The following GMPR variants were observed in gnomAD, a reference collection of about 807,000 sequenced individuals.
The protein encoded by GMPR is guanosine monophosphate reductase, also known as GMP reductase 1.
In GMPR, 31 loss-of-function variants were observed where a neutral mutation model predicts 38.4. That is an observed-to-expected ratio of 0.81 (90% CI 0.61 to 1.09). GMPR has a LOEUF of 1.09. Ranked by LOEUF, GMPR falls within the 50% of genes least tolerant of loss-of-function variation. The pLI, the probability that GMPR is intolerant of heterozygous loss-of-function variation, is 0.00. For missense variants in GMPR, 468 were observed against 453.7 expected (o/e 1.03, Z -0.29); for synonymous variants, 162 against 173.3 (o/e 0.93, Z 0.51).
chr6:16,242,024 C>A (rs1453333131), intron 1 of GMPR, among the ~76,000 whole-genome samples: 1 of 152,136 alleles, frequency 6.6e-6, no homozygotes, highest in African/African-American at 2.4e-5. Context: ...CAGGTGTGAG[C>A]CACTGCACCC....
At chr6:16,274,178 T>C (rs1759434726) in intron 4 of GMPR, among the ~76,000 whole-genome samples, 1 of 152,180 alleles carries the variant, frequency 6.6e-6, no homozygotes, top group Non-Finnish European at 1.5e-5. Flanking sequence ...ACCTGGACTC[T>C]CTAAGATCTC....
chr6:16,295,196 C>T lies in GMPR; in HGVS notation c.*10C>T. ...CACCGTGTTCAGCTAACCCTGGGGACAAAGCAGCGTCTGGCTCGAGTGGAA... is the reference window on the plus strand; with the variant it reads ...CACCGTGTTCAGCTAACCCTGGGGATAAAGCAGCGTCTGGCTCGAGTGGAA... On this transcript the variant is annotated 3_prime_UTR_variant, in exon 9 of 9. Transcript: ENST00000259727. 6.7e-7 allele frequency: 1 copy of T among 1,494,570 alleles called. No individual in the cohort carries two copies. The highest frequency in any genetic ancestry group is 8.9e-7 in the Non-Finnish European group (1 of 1,127,154). The allele number at this position is 1,494,570 out of a possible 1,614,324, so 92.6% of individuals were successfully genotyped here.
At chr6:16,291,013 T>C (rs1214904588) in intron 8 of GMPR, among the ~76,000 whole-genome samples, 2 of 152,180 alleles carry the variant, frequency 1.3e-5, no homozygotes, top group African/African-American at 4.8e-5. Context: ...AGTTGAAGAA[T>C]GGCTCTCCTC....
At chr6:16,259,554 A>G (rs1019018559) in intron 4 of GMPR, among the ~76,000 whole-genome samples, 1 of 151,874 alleles carries the variant, frequency 6.6e-6, no homozygotes, top group Non-Finnish European at 1.5e-5. Flanking sequence ...TTCGAGTGGG[A>G]TTAGGGGCGG....
intron 4 of GMPR, among the ~76,000 whole-genome samples, chr6:16,272,399 T>A (rs1292267815): frequency 6.6e-6 from 1 of 152,196 alleles, no homozygotes; most frequent in East Asian, 1.9e-4. Context: ...AGAAGAATTA[T>A]TGAATACAAG....
chr6:16,285,649 C>A (rs1759664743), intron 6 of GMPR, 144 bp from the exon 7 acceptor site: 2 of 687,170 alleles, frequency 2.9e-6, no homozygotes, highest in African/African-American at 3.5e-5. Flanking sequence ...ACAACAACAG[C>A]CGTGGTAGGG....
intron 4 of GMPR, among the ~76,000 whole-genome samples, chr6:16,257,321 C>T (rs1223656606): frequency 6.6e-6 from 1 of 152,158 alleles, no homozygotes; most frequent in African/African-American, 2.4e-5. Flanking sequence ...TCAGGCTGTT[C>T]ATCTGTATCC....
rs192061975 is a variant in GMPR, at chr6:16,267,822, G to A, written c.466-6593G>A. Among the ~76,000 whole-genome samples the A allele has an allele frequency of 8.3e-4, 127 of 152,312 alleles. 1 individual carries two copies. In the Middle Eastern group the frequency reaches 0.014, roughly 16 times the overall value. On this transcript the variant is annotated intron_variant, in intron 4 of 8. Transcript: ENST00000259727. Reference sequence around the variant, plus strand: ...TGTGTTCAGATTAGATAGAGGCCAAGCTCTACTCCCCTGGGGCAATGCCGT... The same window carrying A: ...TGTGTTCAGATTAGATAGAGGCCAAACTCTACTCCCCTGGGGCAATGCCGT...
chr6:16,241,885 G>T (rs1758654716), intron 1 of GMPR, among the ~76,000 whole-genome samples: 1 of 151,904 alleles, frequency 6.6e-6, no homozygotes, highest in Non-Finnish European at 1.5e-5. Flanking sequence ...GGGATTACAG[G>T]CACCTACCAC....
intron 5 of GMPR, among the ~76,000 whole-genome samples, chr6:16,275,216 T>C (rs532824300): frequency 3.1e-4 from 47 of 152,204 alleles, no homozygotes; most frequent in South Asian, 2.3e-3. Flanking sequence ...GACACTAAAA[T>C]TGAGGAGCAA....
chr6:16,278,386 G>A (rs561149796), intron 5 of GMPR, among the ~76,000 whole-genome samples: 1 of 152,294 alleles, frequency 6.6e-6, no homozygotes, highest in South Asian at 2.1e-4. Context: ...ACGAGCCAGT[G>A]GGAGGATTCT....
chr6:16,255,485 C>T (rs1758954979), intron 4 of GMPR, among the ~76,000 whole-genome samples: 2 of 152,180 alleles, frequency 1.3e-5, no homozygotes, highest in Admixed American at 6.5e-5. Context: ...GAACATTTCA[C>T]GACAGTCTAC....
At chr6:16,257,276 GGACTCT>G (rs1759000524) in intron 4 of GMPR, among the ~76,000 whole-genome samples, 1 of 152,134 alleles carries the variant, frequency 6.6e-6, no homozygotes, top group Non-Finnish European at 1.5e-5. Context: ...CCAGCACTCT[GGACTCT>G]TCCAGACCTC....
At chr6:16,277,769 C>T (rs1759500375) in intron 5 of GMPR, among the ~76,000 whole-genome samples, 1 of 152,044 alleles carries the variant, frequency 6.6e-6, no homozygotes, top group Non-Finnish European at 1.5e-5. Context: ...TAAGAAGAAG[C>T]TGGAAAGATG....
intron 4 of GMPR, among the ~76,000 whole-genome samples, chr6:16,266,980 G>A (rs549782784): frequency 6.6e-6 from 1 of 151,400 alleles, no homozygotes; most frequent in Non-Finnish European, 1.5e-5. Context: ...ATGAACCCAC[G>A]AGGAGGAACG....
chr6:16,248,597 C>T (rs191468125), intron 2 of GMPR, among the ~76,000 whole-genome samples: 29 of 152,292 alleles, frequency 1.9e-4, no homozygotes, highest in Middle Eastern at 3.4e-3. Flanking sequence ...AAATTATGAG[C>T]TCCCAAAATG....
intron 4 of GMPR, among the ~76,000 whole-genome samples, chr6:16,255,499 C>T (rs995135898): frequency 6.6e-6 from 1 of 152,134 alleles, no homozygotes; most frequent in South Asian, 2.1e-4. Flanking sequence ...AGTCTACTAT[C>T]GATGGTGAAT....
chr6:16,245,687 A>C lies in GMPR; in HGVS notation c.88-1155A>C, dbSNP rs146578958. ...ATTGAATGCGGGGCATTCTGACACA[A>C]CTGAGGATATTAAGGCACCCCAGAG... On this transcript the variant is annotated intron_variant, in intron 1 of 8. Transcript: ENST00000259727. 1.4e-4 allele frequency among the ~76,000 whole-genome samples: 22 copies of C among 152,320 alleles called. No individual in the cohort carries two copies. The East Asian group carries it at 4.1e-3, about 28-fold the overall frequency.
At chr6:16,266,310 C>A (rs990530139) in intron 4 of GMPR, among the ~76,000 whole-genome samples, 1 of 151,716 alleles carries the variant, frequency 6.6e-6, no homozygotes, top group African/African-American at 2.4e-5. Flanking sequence ...ACCATGAACC[C>A]ACGAGGAGGA....
Sources: gnomAD v4.1 joint callset for allele counts (sites outside exome capture counted in the v4.1 genomes callset) on GRCh38, gnomAD v4.1.1 for gene constraint, MANE v1.5 for transcripts, NCBI Gene and HGNC (gene_info 2026-07-23, HGNC 2026-07-21) for gene names.